The following NSD1 variants were observed in gnomAD, a reference collection of about 807,000 sequenced individuals.
NSD1 encodes nuclear receptor binding SET domain protein 1, also known as histone-lysine N-methyltransferase, H3 lysine-36 specific.
A neutral mutation model predicts 242.7 loss-of-function variants in NSD1; 26 were observed. That is an observed-to-expected ratio of 0.11 (90% confidence interval 0.08 to 0.15). The LOEUF (loss-of-function observed/expected upper bound fraction) is 0.15. Among genes scored for constraint, NSD1 ranks in the 10% least tolerant of loss-of-function variants. NSD1 has a pLI of 1.00. For missense variants in NSD1, 2,495 were observed against 3,272.8 expected (o/e 0.76, Z 5.80); for synonymous variants, 1,106 against 1,178.1 (o/e 0.94, Z 1.25).
chr5:177,228,335 T>G (rs995426298), intron 5 of NSD1, among the ~76,000 whole-genome samples: 1 of 151,372 alleles, frequency 6.6e-6, no homozygotes, highest in African/African-American at 2.4e-5. Context: ...GATCTTGACT[T>G]ATGAGCTATT....
At chr5:177,155,370 C>T (rs1313720616) in intron 2 of NSD1, among the ~76,000 whole-genome samples, 1 of 151,708 alleles carries the variant, frequency 6.6e-6, no homozygotes, top group African/African-American at 2.4e-5. Context: ...TCAGGTGATC[C>T]ACCCGCCTCG....
chr5:177,158,293 C>CTTTCTTTCTTTCTTTCTTTTCTTTTCT (rs1758350204), intron 2 of NSD1, among the ~76,000 whole-genome samples: 4 of 77,746 alleles, frequency 5.1e-5, no homozygotes, highest in Middle Eastern at 6.3e-3. Context: ...TTCTTTCTTT[C>CTTTCTTTCTTTCTTTCTTTTCTTTTCT]TTTCTTTCTT....
At chr5:177,223,092 T>C (rs1310623226) in intron 5 of NSD1, among the ~76,000 whole-genome samples, 3 of 151,282 alleles carry the variant, frequency 2.0e-5, no homozygotes, top group Non-Finnish European at 4.4e-5. Context: ...TTTTTTTTTT[T>C]TTTCAGACAG....
chr5:177,294,730 G>C lies in NSD1; in HGVS notation c.7362G>C (p.Leu2454Phe), dbSNP rs777005830. The change falls in exon 23 of 23, where the codon TTG becomes TTC. Residue 2454 changes from leucine (L) to phenylalanine (F), a missense_variant. Physicochemically the swap from Leu to Phe is conservative, Grantham distance 22. This residue lies in a region of NSD1 where 475 missense variants were observed against 563.7 expected (regional missense o/e 0.84). Coordinates refer to ENST00000439151, the MANE Select transcript of NSD1 (RefSeq NM_022455.5). ...QNTQSKNRAALVMDLIDLTPR... is the reference protein window; with the variant it reads ...QNTQSKNRAAFVMDLIDLTPR... ...CTCAGTCAAAAAATAGAGCTGCTTTGGTGATGGATCTCATAGACCTAACTC... is the reference window on the plus strand; with the variant it reads ...CTCAGTCAAAAAATAGAGCTGCTTTCGTGATGGATCTCATAGACCTAACTC... 1.2e-6 allele frequency: 2 copies of C among 1,614,228 alleles called. No individual in the cohort carries two copies. Among genetic ancestry groups the C allele is most frequent in the South Asian group, 2.2e-5 (2 of 91,084 alleles).
intron 5 of NSD1, among the ~76,000 whole-genome samples, chr5:177,229,146 T>A (rs935237975): frequency 3.3e-5 from 5 of 152,236 alleles, no homozygotes; most frequent in African/African-American, 1.2e-4. Context: ...CCACCATAGA[T>A]GTATGCCTAA....
chr5:177,168,621 C>T (rs1262554978), intron 2 of NSD1, among the ~76,000 whole-genome samples: 2 of 151,984 alleles, frequency 1.3e-5, no homozygotes, highest in Non-Finnish European at 2.9e-5. Flanking sequence ...CCACCACGCC[C>T]AGCTCATTTT....
At chr5:177,157,635 T>C (rs1758247963) in intron 2 of NSD1, among the ~76,000 whole-genome samples, 1 of 152,134 alleles carries the variant, frequency 6.6e-6, no homozygotes, top group Non-Finnish European at 1.5e-5. Context: ...AGGGTGAAAC[T>C]GTATCTCAAA....
intron 12 of NSD1, among the ~76,000 whole-genome samples, chr5:177,256,275 C>CTTTTTTTTTTT (rs147226070): frequency 1.3e-4 from 10 of 76,850 alleles, no homozygotes; most frequent in African/African-American, 4.8e-4. Flanking sequence ...TGCCCCCACA[C>CTTTTTTTTTTT]TTTTTTTTTT....
intron 5 of NSD1, among the ~76,000 whole-genome samples, chr5:177,232,680 C>T (rs1765152187): frequency 6.6e-6 from 1 of 152,196 alleles, no homozygotes; most frequent in African/African-American, 2.4e-5. Context: ...CCACATGGGG[C>T]AAAAGCCTCC....
chr5:177,158,998 T>TTATATATATATATATGAATGATATA lies in NSD1; in HGVS notation c.927+22983_927+22984insGAATGATATATATATATATATATAT, dbSNP rs1554173192. ...TATACACACATATATATGAATGATTTTATATATATATATATATATATATAT... is the reference window on the plus strand; with the variant it reads ...TATACACACATATATATGAATGATTTTATATATATATATATGAATGATATATATATATATATATATATATATATAT... On this transcript the variant is annotated intron_variant, in intron 2 of 22. Coordinates refer to ENST00000439151, the MANE Select transcript of NSD1 (RefSeq NM_022455.5). Among the ~76,000 whole-genome samples, 22 of 122,592 alleles carry TTATATATATATATATGAATGATATA rather than the reference T, an allele frequency of 1.8e-4. 1 individual carries two copies. The highest frequency in any genetic ancestry group is 8.0e-4 in the African/African-American group (21 of 26,310). 80.4% of individuals were successfully genotyped at this position (122,592 alleles called of 152,430 possible).
At position 177,248,210 on chromosome 5, in the gene NSD1, A is replaced by C; in HGVS notation, c.4527A>C (p.Thr1509=). The change falls in exon 11 of 23, where the codon ACA becomes ACC. Residue 1509 remains threonine (T), a synonymous_variant. Coordinates refer to ENST00000439151, the MANE Select transcript of NSD1 (RefSeq NM_022455.5). ...EGELMPHRTA[T]SPKETVEEGV... ...AACTAATGCCTCACAGGACGGCCACAAGCCCCAAGGAGACTGTTGAGGAAG... is the reference window on the plus strand; with the variant it reads ...AACTAATGCCTCACAGGACGGCCACCAGCCCCAAGGAGACTGTTGAGGAAG... 1 of 1,614,178 alleles carries C rather than the reference A, an allele frequency of 6.2e-7. No homozygotes were observed. Among genetic ancestry groups the C allele is most frequent in the South Asian group, 1.1e-5 (1 of 91,074 alleles).
intron 14 of NSD1, chr5:177,265,783 G>T (rs1757383806): frequency 2.1e-6 from 3 of 1,449,068 alleles, no homozygotes; most frequent in Admixed American, 3.3e-5. Context: ...TGGTGGAGAA[G>T]CCGGTCCCTC....
At chr5:177,285,563 CAAAAAAAAAA>C (rs772293606) in intron 20 of NSD1, among the ~76,000 whole-genome samples, 3 of 81,936 alleles carry the variant, frequency 3.7e-5, no homozygotes, top group African/African-American at 1.5e-4. Flanking sequence ...GATTCCATCT[CAAAAAAAAAA>C]AAAAAAAAAA....
At chr5:177,249,393 TG>T (rs1408061241) in intron 11 of NSD1, among the ~76,000 whole-genome samples, 2 of 151,972 alleles carry the variant, frequency 1.3e-5, no homozygotes, top group African/African-American at 4.8e-5. Flanking sequence ...ATTACAGACT[TG>T]TCTTTTAAAT....
chr5:177,248,894 A>G (rs1056355196), intron 11 of NSD1, among the ~76,000 whole-genome samples: 1 of 152,218 alleles, frequency 6.6e-6, no homozygotes, highest in African/African-American at 2.4e-5. Context: ...ACTAAATTAC[A>G]GAGAGGATAA....
intron 16 of NSD1, among the ~76,000 whole-genome samples, chr5:177,273,431 T>C (rs1758106419): frequency 6.6e-6 from 1 of 152,156 alleles, no homozygotes; most frequent in Admixed American, 6.5e-5. Context: ...GGTGATAGTC[T>C]GTATTGTGCC....
At chr5:177,177,326 C>T (rs896743955) in intron 2 of NSD1, among the ~76,000 whole-genome samples, 2 of 151,974 alleles carry the variant, frequency 1.3e-5, no homozygotes, top group African/African-American at 4.8e-5. Context: ...ACCAGCCTTG[C>T]CAACCTGGTG....
intron 2 of NSD1, among the ~76,000 whole-genome samples, chr5:177,158,725 G>C (rs985583364): frequency 1.3e-5 from 2 of 150,276 alleles, no homozygotes; most frequent in African/African-American, 4.9e-5. Context: ...GGGCGACTGA[G>C]GTGGTAGCAT....
intron 5 of NSD1, among the ~76,000 whole-genome samples, chr5:177,233,917 C>A (rs1285962506): frequency 6.6e-6 from 1 of 152,128 alleles, no homozygotes; most frequent in Non-Finnish European, 1.5e-5. Context: ...AAAATGCTTT[C>A]TTGAATATGC....
Sources: allele counts gnomAD v4.1 joint callset (sites outside exome capture counted in the v4.1 genomes callset), GRCh38; gene constraint gnomAD v4.1.1; regional missense constraint gnomAD v4.1.1; transcripts MANE v1.5; gene names NCBI Gene and HGNC (gene_info 2026-07-23, HGNC 2026-07-21).